The following ANK3 variants were observed in gnomAD, a reference collection of about 807,000 sequenced individuals.
ANK3 encodes ankyrin-3.
A neutral mutation model predicts 370.9 loss-of-function variants in ANK3; 57 were observed. The ratio of observed to expected loss-of-function variants is 0.15; its 90% CI spans 0.12 to 0.19. The LOEUF (loss-of-function observed/expected upper bound fraction) is 0.19. Ranked by LOEUF, ANK3 falls within the 10% of genes least tolerant of loss-of-function variation. The probability of loss-of-function intolerance (pLI) is 1.00; values close to 1 mark genes in which losing one functional copy is unlikely to be tolerated. For synonymous variants in ANK3, 1,929 were observed against 1,946.3 expected, an observed-to-expected ratio of 0.99 and a Z score of 0.23; for missense variants, 4,439 against 5,302.1, an observed-to-expected ratio of 0.84 and a Z score of 5.06.
chr10:60,551,795 A>C (rs1246590825), intron 2 of ANK3, among the ~76,000 whole-genome samples: 3 of 152,140 alleles, frequency 2.0e-5, no homozygotes, highest in Non-Finnish European at 2.9e-5. Flanking sequence ...AGTAAAATAA[A>C]CTGGTTAAGG....
chr10:60,405,135 T>C (rs1431241160), intron 2 of ANK3, among the ~76,000 whole-genome samples: 1 of 152,122 alleles, frequency 6.6e-6, no homozygotes, highest in Non-Finnish European at 1.5e-5. Flanking sequence ...TATAAAATAA[T>C]ACAAACACCT....
intron 2 of ANK3, among the ~76,000 whole-genome samples, chr10:60,414,373 C>A (rs935829194): frequency 6.6e-6 from 1 of 152,102 alleles, no homozygotes; most frequent in East Asian, 1.9e-4. Context: ...TGAAACATAA[C>A]AGGAATATAC....
chr10:60,173,543 A>C (rs1430631848), intron 18 of ANK3, among the ~76,000 whole-genome samples: 1 of 152,188 alleles, frequency 6.6e-6, no homozygotes, highest in Non-Finnish European at 1.5e-5. Context: ...TGGAGACTTG[A>C]CTTGTTTATT....
At chr10:60,264,648 A>AG (rs1491321179) in intron 5 of ANK3, among the ~76,000 whole-genome samples, 7 of 29,700 alleles carry the variant, frequency 2.4e-4, no homozygotes, top group African/African-American at 5.1e-4. Context: ...AAAAAAAAAG[A>AG]AAAAAAAAAA....
intron 1 of ANK3, among the ~76,000 whole-genome samples, chr10:60,661,827 G>C (rs2078939281): frequency 6.6e-6 from 1 of 152,078 alleles, no homozygotes; most frequent in Admixed American, 6.6e-5. Flanking sequence ...TCTTCATCTG[G>C]CTCCGTTGGG....
Position 60,262,014 on chromosome 10 carries a change from G to A in ANK3, c.700-57C>T, listed in dbSNP as rs576376513. Reference sequence around the variant, plus strand: ...ATTCCTGCCAGCCCCCTGCCTGACAGGCAAATATCATAACCCTGCCCAAAT... The same window carrying A: ...ATTCCTGCCAGCCCCCTGCCTGACAAGCAAATATCATAACCCTGCCCAAAT... On this transcript the variant is annotated intron_variant, in intron 6 of 43. Coordinates refer to ENST00000280772, the MANE Select transcript of ANK3 (RefSeq NM_020987.5). 89 of 1,440,178 alleles carry A rather than the reference G, an allele frequency of 6.2e-5. No homozygotes were observed. In the African/African-American group the frequency reaches 1.1e-3, roughly 18 times the overall value. The allele number at this position is 1,440,178 out of a possible 1,614,324, so 89.2% of individuals were successfully genotyped here. A position where few individuals can be genotyped will look rare whatever the true frequency, so the allele number is the denominator to read the frequency against.
chr10:60,389,318 C>T, intron 1 of ANK3, 107 bp downstream of exon 1: 5 of 1,060,908 alleles, frequency 4.7e-6, no homozygotes, highest in Non-Finnish European at 6.9e-6. Flanking sequence ...CCAATTTACA[C>T]TCTACCCAGC....
chr10:60,189,344 CAG>C (rs1031779498), intron 16 of ANK3, among the ~76,000 whole-genome samples: 6 of 152,030 alleles, frequency 3.9e-5, no homozygotes, highest in African/African-American at 9.7e-5. Context: ...CTGAGAGAGA[CAG>C]AGAGACAGAT....
chr10:60,101,857 T>C (rs2091309317), intron 28 of ANK3, among the ~76,000 whole-genome samples: 1 of 152,134 alleles, frequency 6.6e-6, no homozygotes, highest in Admixed American at 6.6e-5. Context: ...GTGTCTTCAT[T>C]AGTAATGGAC....
chr10:60,634,183 T>C (rs1434522178), intron 1 of ANK3, among the ~76,000 whole-genome samples: 1 of 152,164 alleles, frequency 6.6e-6, no homozygotes, highest in Non-Finnish European at 1.5e-5. Context: ...ATTTGGAAGT[T>C]TTTTACCTAC....
At chr10:60,123,284 A>G (rs1237431680) in intron 25 of ANK3, among the ~76,000 whole-genome samples, 2 of 152,222 alleles carry the variant, frequency 1.3e-5, no homozygotes, top group African/African-American at 4.8e-5. Flanking sequence ...CTGAAAATGC[A>G]CATTATTTAA....
chr10:60,080,118 T>C (rs2084824857), intron 36 of ANK3, among the ~76,000 whole-genome samples: 1 of 152,108 alleles, frequency 6.6e-6, no homozygotes, highest in South Asian at 2.1e-4. Flanking sequence ...GACTAGGATA[T>C]GACAACCTAT....
chr10:60,369,544 A>T (rs961092206), intron 1 of ANK3, among the ~76,000 whole-genome samples: 1 of 152,216 alleles, frequency 6.6e-6, no homozygotes, highest in African/African-American at 2.4e-5. Flanking sequence ...GCCTCATTTT[A>T]TGATAATTGA....
intron 21 of ANK3, among the ~76,000 whole-genome samples, chr10:60,168,655 G>A (rs1223293120): frequency 6.6e-6 from 1 of 152,098 alleles, no homozygotes; most frequent in Non-Finnish European, 1.5e-5. Context: ...CCATCACCTA[G>A]GTATTAAGCC....
intron 23 of ANK3, among the ~76,000 whole-genome samples, chr10:60,163,410 G>C (rs991641926): frequency 3.9e-5 from 6 of 152,070 alleles, no homozygotes; most frequent in African/African-American, 1.2e-4. Flanking sequence ...CTTCTTCTAC[G>C]GCTCTGCTTT....
At chr10:60,641,317 C>T (rs1348517129) in intron 1 of ANK3, among the ~76,000 whole-genome samples, 6 of 151,382 alleles carry the variant, frequency 4.0e-5, no homozygotes, top group African/African-American at 7.3e-5. Context: ...GAGCCCGCAT[C>T]GCCAAGTCAA....
chr10:60,218,876 TTTTCCAGCTTG>T (rs2096991101), intron 8 of ANK3, among the ~76,000 whole-genome samples: 1 of 152,138 alleles, frequency 6.6e-6, no homozygotes, highest in Admixed American at 6.5e-5. Context: ...CTGAACTGTG[TTTTCCAGCTTG>T]TTTCCATTCT....
At chr10:60,526,927 A>C (rs1375294214) in intron 2 of ANK3, among the ~76,000 whole-genome samples, 1 of 152,128 alleles carries the variant, frequency 6.6e-6, no homozygotes, top group Non-Finnish European at 1.5e-5. Flanking sequence ...GTCTCCCTAG[A>C]AGTCATTTTC....
intron 1 of ANK3, among the ~76,000 whole-genome samples, chr10:60,695,716 A>T (rs1243106395): frequency 6.6e-6 from 1 of 152,254 alleles, no homozygotes; most frequent in Non-Finnish European, 1.5e-5. Context: ...GAACAAAGAC[A>T]CAACATACCA....
Sources: gnomAD v4.1 joint callset for allele counts (sites outside exome capture counted in the v4.1 genomes callset) on GRCh38, gnomAD v4.1.1 for gene constraint, MANE v1.5 for transcripts, NCBI Gene and HGNC (gene_info 2026-07-23, HGNC 2026-07-21) for gene names.